The following ARHGEF40 variants were observed in gnomAD, a reference collection of about 807,000 sequenced individuals.
ARHGEF40 encodes the protein Rho guanine nucleotide exchange factor 40, also known as Rho guanine nucleotide exchange factor (GEF) 40.
Under a neutral mutation model 165.9 loss-of-function variants are expected in ARHGEF40, and 98 were observed. The ratio of observed to expected loss-of-function variants is 0.59; its 90% CI spans 0.50 to 0.70. The LOEUF (loss-of-function observed/expected upper bound fraction) is 0.70, where lower values mean the gene tolerates loss of function less well. Ranked by LOEUF, ARHGEF40 falls within the 30% of genes least tolerant of loss-of-function variation. The probability of loss-of-function intolerance (pLI) is 0.00; values close to 1 mark genes in which losing one functional copy is unlikely to be tolerated. For missense variants in ARHGEF40, 1,815 were observed against 1,968.0 expected (o/e 0.92, Z 1.47); for synonymous variants, 792 against 814.3 (o/e 0.97, Z 0.47).
At position 21,073,178 on chromosome 14, in the gene ARHGEF40, G is replaced by A. The variant is rs778622247; in HGVS notation, c.137G>A (p.Arg46Lys). 6.2e-7 allele frequency: 1 copy of A among 1,614,062 alleles called. No homozygotes were observed. The highest frequency in any genetic ancestry group is 1.3e-5 in the African/African-American group (1 of 75,018). Residue 46 changes from arginine (R) to lysine (K), a missense_variant, in exon 2 of 24, where the codon AGG (arginine) becomes AAG (lysine). Physicochemically the swap from Arg to Lys is conservative, Grantham distance 26 (BLOSUM62 2). Coordinates refer to ENST00000298694, the MANE Select transcript of ARHGEF40 (RefSeq NM_018071.5). The surrounding 1 kb of genome is among the most constrained non-coding windows in gnomAD (Gnocchi z 4.6). Reference protein sequence around the residue: ...VERTYREDALRYTLDFLVPAK... With the variant: ...VERTYREDALKYTLDFLVPAK... ...AGGACTTATCGGGAGGACGCACTGA[G>A]GTACACGCTGGACTTCCTGGTACCA...
In ARHGEF40 at chr14:21,085,680, C is replaced by G; in HGVS notation, c.3961-9C>G. On this transcript the variant is annotated splice_polypyrimidine_tract_variant and intron_variant, in intron 18 of 23. Transcript: ENST00000298694. ...CTGTCTTCACCCGCTGCCCTCTGCT[C>G]TTCCTCAGACTGCTGATATGGGGCT... is the stretch of plus-strand genomic sequence containing the variant. 1 of 1,612,820 alleles carries G rather than the reference C, an allele frequency of 6.2e-7. No individual in the cohort carries two copies. Among genetic ancestry groups the G allele is most frequent in the East Asian group, 2.2e-5 (1 of 44,876 alleles).
chr14:21,079,894 A>C (rs984283003), intron 11 of ARHGEF40, among the ~76,000 whole-genome samples: 4 of 152,294 alleles, frequency 2.6e-5, no homozygotes, highest in Admixed American at 2.6e-4. Context: ...TAGTTCTGCC[A>C]TGTGTAAGAT....
rs1566530642 is a variant in ARHGEF40 at position 21,080,235 on chromosome 14, CACACACACACACA to C, written c.2374-424_2374-412del. Among the ~76,000 whole-genome samples the C allele has an allele frequency of 2.7e-3, 385 of 143,994 alleles. 3 individuals are homozygous for C. Among genetic ancestry groups the C allele is most frequent in the Middle Eastern group, 7.5e-3 (2 of 268 alleles). The allele number at this position is 143,994 out of a possible 152,430, so 94.5% of individuals were successfully genotyped here. On this transcript the variant is annotated intron_variant, in intron 11 of 23. Transcript: ENST00000298694. ...ACACACACACACACACACACACACA[CACACACACACACA>C]CCCCTTCTGTACTGTTTCTCCAGGC...
intron 20 of ARHGEF40, 34 bp from the exon 21 acceptor site, chr14:21,087,286 C>T (rs766642128): frequency 6.3e-7 from 1 of 1,596,636 alleles, no homozygotes; most frequent in Non-Finnish European, 8.5e-7. Context: ...TTTCCCACAC[C>T]AGCACCCCAC....
At chr14:21,067,769 C>CAT (rs1886349789), upstream of ARHGEF40, among the ~76,000 whole-genome samples, 1 of 151,676 alleles carries the variant, frequency 6.6e-6, no homozygotes, top group Non-Finnish European at 1.5e-5. Context: ...CGTACACACA[C>CAT]ACACACACAC....
Position 21,070,958 on chromosome 14 carries a change from G to T in ARHGEF40, c.3+559G>T. The T allele has an allele frequency of 8.1e-7, 1 of 1,232,296 alleles. No individual in the cohort carries two copies. Among genetic ancestry groups the T allele is most frequent in the Non-Finnish European group, 1.1e-6 (1 of 875,172 alleles). 76.3% of individuals were successfully genotyped at this position (1,232,296 alleles called of 1,614,324 possible). A position where few individuals can be genotyped will look rare whatever the true frequency, so the allele number is the denominator to read the frequency against. ...GGCATGGCCAAAGAGGGAAATTCCCGCAGAGAAAAAGAGCTGCCTCAGGAT... is the reference window on the plus strand; with the variant it reads ...GGCATGGCCAAAGAGGGAAATTCCCTCAGAGAAAAAGAGCTGCCTCAGGAT... On this transcript the variant is annotated intron_variant, in intron 1 of 23. Coordinates refer to ENST00000298694, the MANE Select transcript of ARHGEF40 (RefSeq NM_018071.5). The surrounding 1 kb of genome is among the most constrained non-coding windows in gnomAD (Gnocchi z 4.7).
At chr14:21,078,675 G>A (rs1329524640) in intron 10 of ARHGEF40, among the ~76,000 whole-genome samples, 187 bp downstream of exon 10, 1 of 152,218 alleles carries the variant, frequency 6.6e-6, no homozygotes, top group Non-Finnish European at 1.5e-5. Flanking sequence ...TTACAAATGA[G>A]GATTTGGAGG....
intron 18 of ARHGEF40, 116 bp from the exon 19 acceptor site, chr14:21,085,573 G>T: frequency 8.0e-7 from 1 of 1,244,252 alleles, no homozygotes; most frequent in South Asian, 1.5e-5. Context: ...GATAGGTGTT[G>T]AGCAAACGTT....
At chr14:21,080,114 G>A (rs1284089560) in intron 11 of ARHGEF40, among the ~76,000 whole-genome samples, 1 of 151,850 alleles carries the variant, frequency 6.6e-6, no homozygotes, top group East Asian at 1.9e-4. Context: ...TTTCTTCAGA[G>A]GAAAATATTA....
At chr14:21,062,205 C>G in the ARHGEF40 span, among the ~76,000 whole-genome samples, 1 of 152,250 alleles carries the variant, frequency 6.6e-6, no homozygotes, top group African/African-American at 2.4e-5. Context: ...ATTTTAAAAA[C>G]TCACATTGAC....
chr14:21,082,019 A>ACGTGC lies in ARHGEF40; in HGVS notation c.3152_3156dup (p.Ser1053ArgfsTer22). 6.4e-7 allele frequency: 1 copy of ACGTGC among 1,571,376 alleles called. No homozygotes were observed. The highest frequency in any genetic ancestry group is 1.2e-5 in the South Asian group (1 of 86,156). ...CACCAGCACTGAGGTGGTAGACAGG[A>ACGTGC]CGTGCTCACCACGGGAACACGTGCT... On this transcript the variant is annotated frameshift_variant, in exon 14 of 24. Transcript: ENST00000298694. LOFTEE classifies it high-confidence loss of function.
At position 21,081,698 on chromosome 14, in the gene ARHGEF40, C is replaced by T. The variant is rs370802280; in HGVS notation, c.2830C>T (p.Arg944Cys). The T allele has an allele frequency of 2.0e-5, 31 of 1,582,230 alleles. No homozygotes were observed. The highest frequency in any genetic ancestry group is 1.7e-4 in the Middle Eastern group (1 of 6,040). Residue 944 changes from arginine (R) to cysteine (C), a missense_variant, in exon 14 of 24, where the codon CGC becomes TGC. Transcript: ENST00000298694. Reference protein sequence around the residue: ...ALREWGRCQARCQELERRIQQ... With the variant: ...ALREWGRCQACCQELERRIQQ... ...GCGAGAATGGGGCCGCTGCCAGGCC[C>T]GCTGCCAAGAGCTAGAGAGGAGGAT...
chr14:21,088,291 G>A (rs1314693952), intron 22 of ARHGEF40, among the ~76,000 whole-genome samples, 193 bp downstream of exon 22: 1 of 152,138 alleles, frequency 6.6e-6, no homozygotes, highest in East Asian at 1.9e-4. Context: ...AGGCATCAAG[G>A]TCATAGGTTA....
intron 16 of ARHGEF40, 86 bp from the exon 17 acceptor site, chr14:21,083,749 G>A (rs1888117677): frequency 3.1e-6 from 4 of 1,276,470 alleles, no homozygotes; most frequent in East Asian, 2.5e-5. Flanking sequence ...AAAGCCTAGG[G>A]TATCACCCAC....
At chr14:21,083,094 C>G (rs1280950487) in intron 16 of ARHGEF40, among the ~76,000 whole-genome samples, 177 bp downstream of exon 16, 1 of 152,160 alleles carries the variant, frequency 6.6e-6, no homozygotes, top group Non-Finnish European at 1.5e-5. Context: ...AGGTTCTTAT[C>G]CAGTCCACCT....
rs1293872659 is a variant in ARHGEF40 at position 21,075,320 on chromosome 14, G to A, written c.1451-12G>A. On this transcript the variant is annotated splice_polypyrimidine_tract_variant and intron_variant, in intron 3 of 23. Coordinates refer to ENST00000298694, the MANE Select transcript of ARHGEF40 (RefSeq NM_018071.5). This position sits in a 1 kb window ranked among gnomAD's most constrained non-coding sequence, Gnocchi z 4.5. ...TAACTTCAGTCCCATGTTTCTGTCT[G>A]TGTCTGTGCAGGACACACAGGCCCA... 1 of 1,613,598 alleles carries A rather than the reference G, an allele frequency of 6.2e-7. No individual in the cohort carries two copies. Among genetic ancestry groups the A allele is most frequent in the Non-Finnish European group, 8.5e-7 (1 of 1,179,974 alleles).
chr14:21,064,348 C>T, the ARHGEF40 span, among the ~76,000 whole-genome samples: 1 of 151,906 alleles, frequency 6.6e-6, no homozygotes, highest in Admixed American at 6.6e-5. Flanking sequence ...GTTGCCCAGG[C>T]TGCAGTGTAG....
In ARHGEF40 at chr14:21,082,296, G is replaced by A. The variant is rs1160121958; in HGVS notation, c.3304G>A (p.Ala1102Thr). The change falls in exon 15 of 24, where the codon GCC becomes ACC. Residue 1102 changes from alanine to threonine, a missense_variant. Coordinates refer to ENST00000298694, the MANE Select transcript of ARHGEF40 (RefSeq NM_018071.5). The stretch of plus-strand genomic sequence containing the variant: ...GATTGCCTGTGAACAAGATTACGTG[G>A]CCACCTTGAGTGAGCCAGTGCCACC... ...ELIACEQDYV[A>T]TLSEPVPPPG... 8.7e-6 allele frequency: 14 copies of A among 1,613,028 alleles called. No homozygotes were observed. Among genetic ancestry groups the A allele is most frequent in the Non-Finnish European group, 1.2e-5 (14 of 1,179,534 alleles).
rs534855419 is a variant in ARHGEF40 at position 21,076,388 on chromosome 14, G to A, written c.1768G>A (p.Val590Ile). The A allele has an allele frequency of 1.2e-5, 19 of 1,613,470 alleles. No homozygotes were observed. In the East Asian group the frequency reaches 2.9e-4, roughly 25 times the overall value. The change falls in exon 6 of 24, where the codon GTC becomes ATC. Residue 590 changes from valine to isoleucine, a missense_variant. Physicochemically the swap from Val to Ile is conservative, Grantham distance 29 (BLOSUM62 3). Coordinates refer to ENST00000298694, the MANE Select transcript of ARHGEF40 (RefSeq NM_018071.5). ...RPDLQTLGLS[V>I]LLDLRQAPPL... ...TGATCTACAGACACTGGGGCTGTCC[G>A]TCCTGCTGGACCTTCGTCAGGCACC...
Sources: gnomAD v4.1 joint callset for allele counts (sites outside exome capture counted in the v4.1 genomes callset) on GRCh38, gnomAD v4.1.1 for gene constraint, Gnocchi (gnomAD v3.1) non-coding constraint, MANE v1.5 for transcripts, NCBI Gene and HGNC (gene_info 2026-07-23, HGNC 2026-07-21) for gene names.